Variants in RELL1 observed in about 807,000 individuals in gnomAD.
The protein encoded by RELL1 is RELT like 1, also known as RELT-like protein 1.
A neutral mutation model predicts 23.0 loss-of-function variants in RELL1; 10 were observed. The observed-to-expected ratio is 0.43, with a 90% CI of 0.27 to 0.74. The LOEUF is 0.74. Among genes scored for constraint, RELL1 ranks in the 30% least tolerant of loss-of-function variants. The pLI is 0.19. For missense variants in RELL1, 315 were observed against 364.4 expected, an observed-to-expected ratio of 0.86 and a Z score of 1.10; for synonymous variants, 146 against 146.8, an observed-to-expected ratio of 0.99 and a Z score of 0.04.
At chr4:37,638,307 C>A in intron 4 of RELL1, 140 bp downstream of exon 4, 1 of 693,234 alleles carries the variant, frequency 1.4e-6, no homozygotes, top group Admixed American at 2.6e-5. Context: ...TTCCGCACAG[C>A]AAAGAACTAC....
intron 6 of RELL1, among the ~76,000 whole-genome samples, chr4:37,599,901 T>A (rs749153424): frequency 6.6e-6 from 1 of 152,170 alleles, no homozygotes; most frequent in Non-Finnish European, 1.5e-5. Context: ...TAGGCCCCTC[T>A]CTCGGCCATA....
At chr4:37,648,943 C>A (rs894213281) in intron 2 of RELL1, among the ~76,000 whole-genome samples, 1 of 152,128 alleles carries the variant, frequency 6.6e-6, no homozygotes, top group African/African-American at 2.4e-5. Context: ...GGATTATTTT[C>A]CTCATTGAAA....
At chr4:37,667,591 T>C (rs760497251) in intron 1 of RELL1, among the ~76,000 whole-genome samples, 13 of 150,676 alleles carry the variant, frequency 8.6e-5, no homozygotes, top group Non-Finnish European at 2.9e-5. Context: ...GTAGTAGAGT[T>C]AGAGAAGGTA....
Position 37,649,498 on chromosome 4 carries a change from T to C in RELL1, c.91A>G (p.Asn31Asp). Residue 31 changes from asparagine to aspartate, a missense_variant and splice_region_variant, in exon 2 of 7, where the codon AAT becomes GAT. Coordinates refer to ENST00000454158, the MANE Select transcript of RELL1 (RefSeq NM_001085400.2). ...GAGTGCAATGTGCGGCTGCTCCCAT[T>C]GTCTACAGAAAGAAACATGCATGCT... is the stretch of plus-strand genomic sequence containing the variant. ...AVSSPLVAPDNGSSRTLHSRT... is the reference protein window; with the variant it reads ...AVSSPLVAPDDGSSRTLHSRT... The C allele has an allele frequency of 6.2e-7, 1 of 1,613,110 alleles. No individual in the cohort carries two copies. Among genetic ancestry groups the C allele is most frequent in the African/African-American group, 1.3e-5 (1 of 75,038 alleles).
At chr4:37,676,790 A>C (rs1369545885) in intron 1 of RELL1, among the ~76,000 whole-genome samples, 1 of 152,190 alleles carries the variant, frequency 6.6e-6, no homozygotes, top group African/African-American at 2.4e-5. Flanking sequence ...TTATAAAGAA[A>C]AAGCTTTGGA....
chr4:37,663,672 A>G (rs1229412582), intron 1 of RELL1, among the ~76,000 whole-genome samples: 1 of 152,230 alleles, frequency 6.6e-6, no homozygotes, highest in Non-Finnish European at 1.5e-5. Flanking sequence ...TTCAATAACA[A>G]GCCTCGGTGT....
At chr4:37,602,122 T>C (rs1402505498) in intron 6 of RELL1, among the ~76,000 whole-genome samples, 3 of 142,192 alleles carry the variant, frequency 2.1e-5, no homozygotes, top group African/African-American at 7.9e-5. Flanking sequence ...GAGGCTCAGG[T>C]GGGAGGATTG....
chr4:37,637,532 G>T (rs923214904), intron 4 of RELL1, among the ~76,000 whole-genome samples: 1 of 152,118 alleles, frequency 6.6e-6, no homozygotes, highest in Non-Finnish European at 1.5e-5. Flanking sequence ...GGTTCAGATG[G>T]CACCTCTTCC....
intron 5 of RELL1, among the ~76,000 whole-genome samples, chr4:37,633,122 T>C (rs528363686): frequency 1.5e-3 from 224 of 152,274 alleles, no homozygotes; most frequent in African/African-American, 5.2e-3. Context: ...TAAAAAGCCA[T>C]GTTTGGCCAG....
chr4:37,620,333 A>G (rs1356017886), intron 6 of RELL1, among the ~76,000 whole-genome samples: 1 of 152,222 alleles, frequency 6.6e-6, no homozygotes, highest in African/African-American at 2.4e-5. Context: ...TTCTCACAGC[A>G]ATTTCAACAT....
In RELL1 at chr4:37,613,052, AG is replaced by A. The variant is rs1395871402; in HGVS notation, c.*293del. The stretch of plus-strand genomic sequence containing the variant: ...TGGAAAAACTACAGTGTGTACACCA[AG>A]GCCTGGGATTAGGGGCTGGGAAGAG... On this transcript the variant is annotated 3_prime_UTR_variant, in exon 7 of 7. Coordinates refer to ENST00000454158, the MANE Select transcript of RELL1 (RefSeq NM_001085400.2). 6.6e-6 allele frequency: 1 copy of A among 152,236 alleles called. No homozygotes were observed. The highest frequency in any genetic ancestry group is 2.4e-5 in the African/African-American group (1 of 41,446). 9.4% of individuals were successfully genotyped at this position (152,236 alleles called of 1,614,324 possible).
At chr4:37,603,812 G>A (rs577109355) in intron 6 of RELL1, among the ~76,000 whole-genome samples, 2 of 151,284 alleles carry the variant, frequency 1.3e-5, no homozygotes, top group African/African-American at 2.4e-5. Context: ...GCTTTTTTTT[G>A]TTGTTGTTGT....
chr4:37,633,269 C>G (rs1041061667), intron 5 of RELL1, among the ~76,000 whole-genome samples: 1 of 151,976 alleles, frequency 6.6e-6, no homozygotes, highest in Non-Finnish European at 1.5e-5. Context: ...ATTAGCCAGG[C>G]ATGGTGGCGG....
At chr4:37,638,620 C>T in intron 3 of RELL1, 116 bp from the exon 4 acceptor site, 1 of 766,856 alleles carries the variant, frequency 1.3e-6, no homozygotes, top group Admixed American at 2.9e-5. Flanking sequence ...TAGATGAAGT[C>T]CTGGGGGCCT....
downstream of RELL1, among the ~76,000 whole-genome samples, chr4:37,608,365 A>C (rs1423439960): frequency 1.3e-5 from 2 of 152,238 alleles, no homozygotes; most frequent in Non-Finnish European, 2.9e-5. Context: ...AAGCAAAGCA[A>C]AAGTTTTGAA....
intron 6 of RELL1, among the ~76,000 whole-genome samples, chr4:37,617,373 G>A (rs1424982972): frequency 6.6e-6 from 1 of 152,184 alleles, no homozygotes; most frequent in Admixed American, 6.5e-5. Flanking sequence ...CTTCCAAAGG[G>A]TAAACCCTGC....
intron 2 of RELL1, among the ~76,000 whole-genome samples, 174 bp from the exon 3 acceptor site, chr4:37,647,613 A>G (rs1720754160): frequency 6.6e-6 from 1 of 152,182 alleles, no homozygotes; most frequent in African/African-American, 2.4e-5. Flanking sequence ...ATGCATAACA[A>G]GCATAAAGAG....
chr4:37,637,357 T>C (rs894816184), intron 4 of RELL1, among the ~76,000 whole-genome samples: 2 of 152,198 alleles, frequency 1.3e-5, no homozygotes, highest in African/African-American at 4.8e-5. Flanking sequence ...ACAACCCACA[T>C]AGCAAGTGAA....
chr4:37,660,085 TTTATTTA>T (rs1372195548), intron 1 of RELL1, among the ~76,000 whole-genome samples: 1 of 151,798 alleles, frequency 6.6e-6, no homozygotes, highest in Non-Finnish European at 1.5e-5. Flanking sequence ...TTTTTATTTA[TTTATTTA>T]TTTATTTTTA....
Sources: gnomAD v4.1 joint callset for allele counts (sites outside exome capture counted in the v4.1 genomes callset) on GRCh38, gnomAD v4.1.1 for gene constraint, MANE v1.5 for transcripts, NCBI Gene and HGNC (gene_info 2026-07-23, HGNC 2026-07-21) for gene names.